Variants in GNG7 observed in about 807,000 individuals in gnomAD.
GNG7 encodes guanine nucleotide-binding protein G(I)/G(S)/G(O) subunit gamma-7.
A neutral mutation model predicts 4.0 loss-of-function variants in GNG7; 1 was observed. That is an observed-to-expected ratio of 0.25 (90% CI 0.09 to 1.18). GNG7 has a LOEUF of 1.18. GNG7 is among the 50% of genes most tolerant of loss of function. GNG7 has a pLI of 0.50. For synonymous variants in GNG7, 34 were observed against 36.9 expected (o/e 0.92, Z 0.29); for missense variants, 86 against 91.9 (o/e 0.94, Z 0.26).
intron 1 of GNG7, among the ~76,000 whole-genome samples, chr19:2,666,377 C>T (rs1325743273): frequency 3.3e-5 from 5 of 151,408 alleles, no homozygotes; most frequent in African/African-American, 9.7e-5. Context: ...TTCGCCATGT[C>T]GGCCAGGCTG....
intron 2 of GNG7, among the ~76,000 whole-genome samples, chr19:2,605,507 CTTTTTTTTTT>C (rs10602276): frequency 1.9e-4 from 12 of 62,458 alleles, no homozygotes; most frequent in Middle Eastern, 0.013. Context: ...CCAAATCTCA[CTTTTTTTTTT>C]TTTTTTTTTT....
At chr19:2,603,911 T>C (rs980407155) in intron 2 of GNG7, among the ~76,000 whole-genome samples, 5 of 151,700 alleles carry the variant, frequency 3.3e-5, no homozygotes, top group African/African-American at 1.2e-4. Context: ...AGTGCAGTGG[T>C]GCAATCTCGG....
rs1324458321 is a variant in GNG7 at position 2,653,363 on chromosome 19, G to A, written c.-134-7083C>T. Reference sequence around the variant, plus strand: ...GAAATTCCGCAGCAGGGCAGATGAGGGATCGATCTGAGTCCCATGATCCTC... The same window carrying A: ...GAAATTCCGCAGCAGGGCAGATGAGAGATCGATCTGAGTCCCATGATCCTC... On this transcript the variant is annotated intron_variant, in intron 1 of 4. Transcript: ENST00000382159. This position sits in a 1 kb window ranked among gnomAD's most constrained non-coding sequence, Gnocchi z 4.8. Among the ~76,000 whole-genome samples, 1 of 152,126 alleles carries A rather than the reference G, an allele frequency of 6.6e-6. No individual in the cohort carries two copies. Among genetic ancestry groups the A allele is most frequent in the Non-Finnish European group, 1.5e-5 (1 of 68,022 alleles).
chr19:2,619,729 G>T (rs989308101), intron 2 of GNG7, among the ~76,000 whole-genome samples: 5 of 152,166 alleles, frequency 3.3e-5, no homozygotes, highest in African/African-American at 1.2e-4. Context: ...CATCCATGGG[G>T]ACAGGGAGGG....
chr19:2,538,101 A>AAAACC, intron 3 of GNG7: 1 of 455,648 alleles, frequency 2.2e-6, no homozygotes, highest in Non-Finnish European at 4.4e-6. Context: ...AAAACAAAAC[A>AAAACC]AAACAACAAT....
intron 1 of GNG7, among the ~76,000 whole-genome samples, chr19:2,649,110 T>C (rs994282478): frequency 6.6e-6 from 1 of 151,988 alleles, no homozygotes; most frequent in South Asian, 2.1e-4. Flanking sequence ...TTTTTAATTT[T>C]TTAAAAATAG....
intron 1 of GNG7, among the ~76,000 whole-genome samples, chr19:2,648,880 T>C (rs914992849): frequency 6.6e-6 from 1 of 151,492 alleles, no homozygotes; most frequent in African/African-American, 2.4e-5. Flanking sequence ...GTGTTTTTTT[T>C]TTTGTTTTTT....
At chr19:2,592,872 GAA>G (rs200519342) in intron 2 of GNG7, among the ~76,000 whole-genome samples, 2 of 138,862 alleles carry the variant, frequency 1.4e-5, no homozygotes, top group African/African-American at 2.7e-5. Context: ...AGAGGAGAAG[GAA>G]AAAAAGAAAG....
At chr19:2,569,767 G>A (rs1465077823) in intron 2 of GNG7, among the ~76,000 whole-genome samples, 1 of 152,050 alleles carries the variant, frequency 6.6e-6, no homozygotes, top group East Asian at 1.9e-4. Flanking sequence ...TCCCCATCGG[G>A]ACAACCACAG....
At chr19:2,647,353 T>G (rs961153275) in intron 1 of GNG7, among the ~76,000 whole-genome samples, 2 of 152,100 alleles carry the variant, frequency 1.3e-5, no homozygotes, top group Non-Finnish European at 2.9e-5. Flanking sequence ...GCGTGACACA[T>G]GGGGAGAGGG....
chr19:2,570,797 C>A (rs923664086), intron 2 of GNG7, among the ~76,000 whole-genome samples: 2 of 152,092 alleles, frequency 1.3e-5, no homozygotes, highest in African/African-American at 4.8e-5. Flanking sequence ...AGATGTTCAG[C>A]TTGGCTTTTT....
chr19:2,555,411 G>C (rs914381869), intron 2 of GNG7, among the ~76,000 whole-genome samples: 2 of 152,180 alleles, frequency 1.3e-5, no homozygotes, highest in African/African-American at 4.8e-5. Flanking sequence ...TGCTTCTCTT[G>C]CTGGACAACA....
At chr19:2,613,552 G>C (rs1490029655) in intron 2 of GNG7, among the ~76,000 whole-genome samples, 2 of 152,178 alleles carry the variant, frequency 1.3e-5, no homozygotes, top group Non-Finnish European at 2.9e-5. Flanking sequence ...ATTTCAATGT[G>C]TGCAGCCTCC....
chr19:2,672,050 CA>C (rs528016536), intron 1 of GNG7, among the ~76,000 whole-genome samples: 79 of 87,194 alleles, frequency 9.1e-4, no homozygotes, highest in African/African-American at 3.2e-3. Context: ...GACTCCGTCT[CA>C]AAAAAAAAAA....
intron 1 of GNG7, among the ~76,000 whole-genome samples, chr19:2,662,417 G>T (rs994163626): frequency 2.0e-4 from 31 of 151,978 alleles, no homozygotes; most frequent in African/African-American, 7.3e-4. Context: ...ACAGGTTGAG[G>T]GCTAAATCCC....
At chr19:2,655,431 G>A (rs1982940916) in intron 1 of GNG7, among the ~76,000 whole-genome samples, 1 of 152,080 alleles carries the variant, frequency 6.6e-6, no homozygotes, top group Non-Finnish European at 1.5e-5. Context: ...TAGTAAAGAT[G>A]GCCGGGTGCG....
At position 2,555,188 on chromosome 19, in the gene GNG7, C is replaced by T. The variant is rs982302801; in HGVS notation, c.-77G>A. On this transcript the variant is annotated splice_region_variant and 5_prime_UTR_variant, in exon 3 of 5. Transcript: ENST00000382159. ...CCAGGAATCACAGCTTGCTGTACACCCTGTTTAAAAAAGGAGAGAGAAAGA... is the reference window on the plus strand; with the variant it reads ...CCAGGAATCACAGCTTGCTGTACACTCTGTTTAAAAAAGGAGAGAGAAAGA... 1 of 152,032 alleles carries T rather than the reference C, an allele frequency of 6.6e-6. No homozygotes were observed. The highest frequency in any genetic ancestry group is 2.4e-5 in the African/African-American group (1 of 41,390). 9.4% of individuals were successfully genotyped at this position (152,032 alleles called of 1,614,324 possible).
rs188103075 is a variant in GNG7, at chr19:2,695,085, G to A, written c.-135+7561C>T. On this transcript the variant is annotated intron_variant, in intron 1 of 4. Coordinates refer to ENST00000382159, the MANE Select transcript of GNG7 (RefSeq NM_052847.3). Reference sequence around the variant, plus strand: ...CAGCTACTCTGGGAGGCTGAGGTGGGAGGATTGCTTGAGCCCGGAGTTTGA... The same window carrying A: ...CAGCTACTCTGGGAGGCTGAGGTGGAAGGATTGCTTGAGCCCGGAGTTTGA... Among the ~76,000 whole-genome samples the A allele has an allele frequency of 6.9e-3, 1,056 of 152,170 alleles. 6 individuals carry two copies. The highest frequency in any genetic ancestry group is 0.03 in the South Asian group (145 of 4,820).
intron 2 of GNG7, among the ~76,000 whole-genome samples, chr19:2,582,192 C>G (rs1410752884): frequency 6.6e-6 from 1 of 152,126 alleles, no homozygotes; most frequent in Non-Finnish European, 1.5e-5. Flanking sequence ...TGAATCAGCC[C>G]TATACTTAAT....
Sources: gnomAD v4.1 joint callset for allele counts (sites outside exome capture counted in the v4.1 genomes callset) on GRCh38, gnomAD v4.1.1 for gene constraint, Gnocchi (gnomAD v3.1) non-coding constraint, MANE v1.5 for transcripts, NCBI Gene and HGNC (gene_info 2026-07-23, HGNC 2026-07-21) for gene names.